The following RNF149 variants were observed in gnomAD, a reference collection of about 807,000 sequenced individuals.
The protein encoded by RNF149 is E3 ubiquitin-protein ligase RNF149.
In RNF149, 21 loss-of-function variants were observed where a neutral mutation model predicts 39.0. That is an observed-to-expected ratio of 0.54 (90% CI 0.38 to 0.77). RNF149 has a LOEUF of 0.77. Among genes scored for constraint, RNF149 ranks in the 30% least tolerant of loss-of-function variants. The probability of loss-of-function intolerance (pLI) is 0.00; values close to 1 mark genes in which losing one functional copy is unlikely to be tolerated. For synonymous variants in RNF149, 209 were observed against 213.6 expected (o/e 0.98, Z 0.19); for missense variants, 493 against 534.9 (o/e 0.92, Z 0.77).
rs868241370 is a variant in RNF149, at chr2:101,275,684, G to A, written c.*1554C>T. On this transcript the variant is annotated 3_prime_UTR_variant, in exon 7 of 7. Transcript: ENST00000295317. ...TCTCGATCTCCTGACCTCGTGATCC[G>A]CCCGCCTCGGCCTCCCAAAGTGCTG... 4.9e-5 allele frequency: 14 copies of A among 283,248 alleles called. No homozygotes were observed. The highest frequency in any genetic ancestry group is 1.4e-4 in the South Asian group (1 of 7,368). The allele number at this position is 283,248 out of a possible 1,614,324, so 17.5% of individuals were successfully genotyped here.
At chr2:101,304,616 AAT>A (rs919029916) in intron 1 of RNF149, among the ~76,000 whole-genome samples, 2 of 152,142 alleles carry the variant, frequency 1.3e-5, no homozygotes, top group African/African-American at 4.8e-5. Context: ...GTGGCTGCTG[AAT>A]ATATGTCTGC....
At chr2:101,282,524 T>C (rs564104309) in intron 5 of RNF149, among the ~76,000 whole-genome samples, 1 of 152,282 alleles carries the variant, frequency 6.6e-6, no homozygotes, top group East Asian at 1.9e-4. Flanking sequence ...ATGGACAGGG[T>C]GTTGATCAGC....
At chr2:101,303,730 T>C (rs1241568229) in intron 1 of RNF149, among the ~76,000 whole-genome samples, 1 of 151,230 alleles carries the variant, frequency 6.6e-6, no homozygotes, top group Non-Finnish European at 1.5e-5. Context: ...AGGGATTTCT[T>C]ATACCTCTTT....
At chr2:101,287,899 G>A (rs1489485815) in intron 4 of RNF149, among the ~76,000 whole-genome samples, 4 of 152,180 alleles carry the variant, frequency 2.6e-5, no homozygotes, top group Non-Finnish European at 5.9e-5. Flanking sequence ...TAGGTGTGAA[G>A]TATAATTAAA....
At chr2:101,271,700 T>A (rs1364971855), downstream of RNF149, 1 of 152,216 alleles carries the variant, frequency 6.6e-6, no homozygotes, top group East Asian at 1.9e-4. Flanking sequence ...TTGAATTCTT[T>A]TGATTTTCTA....
At chr2:101,297,602 T>C (rs1683285339) in intron 1 of RNF149, among the ~76,000 whole-genome samples, 1 of 151,994 alleles carries the variant, frequency 6.6e-6, no homozygotes, top group African/African-American at 2.4e-5. Context: ...CAAGCAATTC[T>C]CCCACCTCGA....
chr2:101,282,795 T>C (rs368060998), intron 5 of RNF149, among the ~76,000 whole-genome samples: 19 of 152,150 alleles, frequency 1.2e-4, no homozygotes, highest in African/African-American at 4.6e-4. Flanking sequence ...CACCATTGCT[T>C]CAAGTAAAAA....
chr2:101,308,318 C>A lies in RNF149; in HGVS notation c.271G>T (p.Ala91Ser). 6.3e-7 allele frequency: 1 copy of A among 1,585,390 alleles called. No homozygotes were observed. Among genetic ancestry groups the A allele is most frequent in the Non-Finnish European group, 8.6e-7 (1 of 1,169,518 alleles). Residue 91 changes from alanine to serine, a missense_variant, in exon 1 of 7, where the codon GCG becomes TCG. Coordinates refer to ENST00000295317, the MANE Select transcript of RNF149 (RefSeq NM_173647.4). ...GGCACGAAGAAGCGCGTGTCGGGCG[C>A]GCAGCCCTCGAGGTCTCCGCCGGGC... ...WAPGGDLEGC[A>S]PDTRFFVPEP...
At chr2:101,283,211 C>G (rs1298276829) in intron 5 of RNF149, among the ~76,000 whole-genome samples, 1 of 152,200 alleles carries the variant, frequency 6.6e-6, no homozygotes, top group Non-Finnish European at 1.5e-5. Context: ...CTCCTACGGG[C>G]AGCACTTCAA....
rs757220386 is a variant in RNF149, at chr2:101,289,066, AAAAGG to A, written c.781-16_781-12del. 6.6e-6 allele frequency: 10 copies of A among 1,519,506 alleles called. No homozygotes were observed. Among genetic ancestry groups the A allele is most frequent in the South Asian group, 3.4e-5 (3 of 87,678 alleles). The allele number at this position is 1,519,506 out of a possible 1,614,324, so 94.1% of individuals were successfully genotyped here. The stretch of plus-strand genomic sequence containing the variant: ...ATCAACATCAATTCCCTGTAAAAAG[AAAAGG>A]AAAGTGTTACTACATTCTTGGTACA... On this transcript the variant is annotated splice_polypyrimidine_tract_variant and intron_variant, in intron 3 of 6. Transcript: ENST00000295317.
At chr2:101,277,857 G>A (rs1268892693) in intron 6 of RNF149, among the ~76,000 whole-genome samples, 1 of 152,092 alleles carries the variant, frequency 6.6e-6, no homozygotes, top group African/African-American at 2.4e-5. Context: ...CAGAGATGGC[G>A]GTACCAGAAG....
chr2:101,292,180 C>T (rs1217679787), intron 3 of RNF149, among the ~76,000 whole-genome samples: 1 of 152,180 alleles, frequency 6.6e-6, no homozygotes, highest in African/African-American at 2.4e-5. Context: ...ATTGCTTTCA[C>T]ACTGTTTAAA....
Position 101,282,146 on chromosome 2 carries a change from A to G in RNF149, c.961-89T>C, listed in dbSNP as rs986094542. On this transcript the variant is annotated intron_variant, in intron 5 of 6. Coordinates refer to ENST00000295317, the MANE Select transcript of RNF149 (RefSeq NM_173647.4). Reference sequence around the variant, plus strand: ...TCATCTGGCTCGTAATTCACACACAATATTACGTACTTCTGTACAATGAAT... The same window carrying G: ...TCATCTGGCTCGTAATTCACACACAGTATTACGTACTTCTGTACAATGAAT... 217 of 1,534,160 alleles carry G rather than the reference A, an allele frequency of 1.4e-4. No individual in the cohort carries two copies. The Middle Eastern group carries it at 1.5e-3, about 11-fold the overall frequency.
At chr2:101,285,131 C>T (rs1472231215) in intron 5 of RNF149, among the ~76,000 whole-genome samples, 2 of 152,044 alleles carry the variant, frequency 1.3e-5, no homozygotes, top group African/African-American at 2.4e-5. Context: ...CTCCTGACCT[C>T]AAGTGATCCG....
At chr2:101,303,374 G>A (rs558369341) in intron 1 of RNF149, among the ~76,000 whole-genome samples, 37 of 150,932 alleles carry the variant, frequency 2.5e-4, no homozygotes, top group Non-Finnish European at 3.7e-4. Context: ...TGATCCACCC[G>A]CCTCAGCCTA....
intron 1 of RNF149, among the ~76,000 whole-genome samples, chr2:101,303,237 T>G (rs962355632): frequency 2.0e-5 from 3 of 150,998 alleles, no homozygotes; most frequent in Non-Finnish European, 4.4e-5. Flanking sequence ...TGTCTCAGCC[T>G]CCCGAGTAGC....
At position 101,276,122 on chromosome 2, in the gene RNF149, A is replaced by G. The variant is rs1573214783; in HGVS notation, c.*1116T>C. On this transcript the variant is annotated 3_prime_UTR_variant, in exon 7 of 7. Coordinates refer to ENST00000295317, the MANE Select transcript of RNF149 (RefSeq NM_173647.4). ...AATAAACATTTATTTTTACCTACAA[A>G]GTAAAGATATACAGAATAACTAGGA... 6.4e-6 allele frequency: 6 copies of G among 944,718 alleles called. No homozygotes were observed. The East Asian group carries it at 6.9e-4, about 109-fold the overall frequency. The allele number at this position is 944,718 out of a possible 1,614,324, so 58.5% of individuals were successfully genotyped here.
At position 101,277,166 on chromosome 2, in the gene RNF149, A is replaced by G; in HGVS notation, c.*72T>C. 6.4e-7 allele frequency: 1 copy of G among 1,568,352 alleles called. No homozygotes were observed. The highest frequency in any genetic ancestry group is 1.4e-5 in the African/African-American group (1 of 73,682). On this transcript the variant is annotated 3_prime_UTR_variant, in exon 7 of 7. Transcript: ENST00000295317. The stretch of plus-strand genomic sequence containing the variant: ...TTTTCAAATATACAAATTATGTGCT[A>G]AAGTAAAAAAAATAAAATGTCCTTT...
intron 1 of RNF149, among the ~76,000 whole-genome samples, chr2:101,307,642 C>T (rs941284302): frequency 2.0e-5 from 3 of 152,168 alleles, no homozygotes; most frequent in African/African-American, 7.2e-5. Flanking sequence ...GGTTTTCTGA[C>T]TCAGTTTAGA....
Sources: allele counts gnomAD v4.1 joint callset (sites outside exome capture counted in the v4.1 genomes callset), GRCh38; gene constraint gnomAD v4.1.1; transcripts MANE v1.5; gene names NCBI Gene and HGNC (gene_info 2026-07-23, HGNC 2026-07-21).